MCPH1: variants seen among roughly 807,000 people sequenced by gnomAD.
MCPH1 encodes the protein microcephalin.
MCPH1 carries 104 observed loss-of-function variants against 84.5 expected under a neutral mutation model. The ratio of observed to expected loss-of-function variants is 1.23; its 90% CI spans 1.05 to 1.45. The LOEUF (loss-of-function observed/expected upper bound fraction) is 1.45. MCPH1 is among the 40% of genes most tolerant of loss of function. The probability of loss-of-function intolerance (pLI) is 0.00; values close to 1 mark genes in which losing one functional copy is unlikely to be tolerated. For synonymous variants in MCPH1, 514 were observed against 366.8 expected (o/e 1.40, Z -4.58); for missense variants, 1,498 against 1,005.7 (o/e 1.49, Z -6.62).
intron 12 of MCPH1, among the ~76,000 whole-genome samples, chr8:6,532,150 A>G (rs1350988477): frequency 6.6e-6 from 1 of 152,182 alleles, no homozygotes; most frequent in African/African-American, 2.4e-5. Context: ...AAACAAAAAC[A>G]GATTTACTGA....
At chr8:6,471,497 C>T (rs79412898) in intron 9 of MCPH1, among the ~76,000 whole-genome samples, 399 of 152,156 alleles carry the variant, frequency 2.6e-3, no homozygotes, top group African/African-American at 7.6e-3. Flanking sequence ...AAAGCACAGT[C>T]GACTGAATTG....
rs1195440350 is a variant in MCPH1, at chr8:6,647,502, T to A, written c.*4453T>A. The A allele has an allele frequency of 6.6e-6, 1 of 152,210 alleles. No homozygotes were observed. The highest frequency in any genetic ancestry group is 1.9e-4 in the East Asian group (1 of 5,200). 9.4% of individuals were successfully genotyped at this position (152,210 alleles called of 1,614,324 possible). ...ATGTTCATAGCAACATTATTCATAA[T>A]AACCAAAAATTAGCCCATCAACTGA... On this transcript the variant is annotated 3_prime_UTR_variant, in exon 14 of 14. Coordinates refer to ENST00000344683, the MANE Select transcript of MCPH1 (RefSeq NM_024596.5).
At chr8:6,510,659 A>T (rs1250082115) in intron 12 of MCPH1, among the ~76,000 whole-genome samples, 3 of 152,190 alleles carry the variant, frequency 2.0e-5, no homozygotes, top group Non-Finnish European at 4.4e-5. Context: ...CTCTTAAGTC[A>T]TGGAGGTAGG....
At chr8:6,426,524 C>T (rs990945009) in intron 3 of MCPH1, among the ~76,000 whole-genome samples, 1 of 152,246 alleles carries the variant, frequency 6.6e-6, no homozygotes, top group Admixed American at 6.5e-5. Context: ...AGTGGTTTCA[C>T]TTCCTTTTAT....
chr8:6,638,602 TTTTAA>T (rs1797723117), intron 13 of MCPH1, among the ~76,000 whole-genome samples: 1 of 152,094 alleles, frequency 6.6e-6, no homozygotes, highest in Non-Finnish European at 1.5e-5. Flanking sequence ...AAAATTTTTT[TTTTAA>T]TTTAAATTTC....
At chr8:6,626,589 C>G in intron 13 of MCPH1, 1 of 984,114 alleles carries the variant, frequency 1.0e-6, no homozygotes, top group Non-Finnish European at 1.2e-6. Flanking sequence ...AAAATGTTAC[C>G]TTTACCTGAT....
At chr8:6,447,291 CA>C in intron 8 of MCPH1, 2 of 985,354 alleles carry the variant, frequency 2.0e-6, no homozygotes, top group Non-Finnish European at 2.4e-6. Context: ...CCTTCAGTTT[CA>C]ATGTCAGGGA....
intron 12 of MCPH1, among the ~76,000 whole-genome samples, chr8:6,540,263 AC>A (rs1460341724): frequency 6.6e-6 from 1 of 151,872 alleles, no homozygotes; most frequent in African/African-American, 2.4e-5. Context: ...CCTTACCACT[AC>A]TCCAAAATTT....
At chr8:6,433,257 G>A (rs760686748) in intron 4 of MCPH1, among the ~76,000 whole-genome samples, 18 of 152,148 alleles carry the variant, frequency 1.2e-4, no homozygotes, top group Non-Finnish European at 2.2e-4. Flanking sequence ...ATTTCTCCAA[G>A]TCAGATATCT....
At chr8:6,614,889 A>C (rs1830650186) in intron 12 of MCPH1, among the ~76,000 whole-genome samples, 5 of 148,230 alleles carry the variant, frequency 3.4e-5, no homozygotes, top group African/African-American at 5.0e-5. Context: ...CCCATACCCC[A>C]CCCTACTCCA....
intron 3 of MCPH1, among the ~76,000 whole-genome samples, chr8:6,416,298 GTCATGTCATGTC>G (rs1799290765): frequency 6.6e-6 from 1 of 151,604 alleles, no homozygotes; most frequent in African/African-American, 2.4e-5. Flanking sequence ...GTCATGTCAT[GTCATGTCATGTC>G]ATGTTATTTG....
chr8:6,413,913 C>G (rs758919237), intron 2 of MCPH1, among the ~76,000 whole-genome samples: 1 of 152,108 alleles, frequency 6.6e-6, no homozygotes, highest in African/African-American at 2.4e-5. Flanking sequence ...AACCTCCACG[C>G]TTGGCTAATT....
intron 9 of MCPH1, among the ~76,000 whole-genome samples, chr8:6,464,733 C>G (rs1461522507): frequency 2.0e-5 from 3 of 152,216 alleles, no homozygotes; most frequent in African/African-American, 4.8e-5. Context: ...TGTGGTGGCT[C>G]ACGCCTATAA....
At chr8:6,460,485 G>A (rs943348556) in intron 9 of MCPH1, among the ~76,000 whole-genome samples, 2 of 151,992 alleles carry the variant, frequency 1.3e-5, no homozygotes, top group East Asian at 3.9e-4. Context: ...CAGGGTACTG[G>A]GATTACAGGC....
At chr8:6,536,221 C>T (rs571040279) in intron 12 of MCPH1, among the ~76,000 whole-genome samples, 1 of 152,220 alleles carries the variant, frequency 6.6e-6, no homozygotes, top group Admixed American at 6.5e-5. Context: ...GCGACAGGAA[C>T]AGCCACAGTA....
intron 12 of MCPH1, among the ~76,000 whole-genome samples, chr8:6,605,215 A>G (rs1829664854): frequency 6.6e-6 from 1 of 152,114 alleles, no homozygotes; most frequent in Admixed American, 6.5e-5. Flanking sequence ...GGGGAATTTT[A>G]TATTCTTTTT....
intron 9 of MCPH1, among the ~76,000 whole-genome samples, chr8:6,469,845 G>A (rs1180572363): frequency 6.6e-6 from 1 of 151,870 alleles, no homozygotes; most frequent in Non-Finnish European, 1.5e-5. Context: ...CTCTCTCCCT[G>A]CTCCCTCATC....
chr8:6,447,825 A>G (rs1451398742), intron 8 of MCPH1, among the ~76,000 whole-genome samples: 1 of 152,228 alleles, frequency 6.6e-6, no homozygotes, highest in Non-Finnish European at 1.5e-5. Context: ...TTGGGATTAC[A>G]GGCGTGAGCT....
intron 12 of MCPH1, among the ~76,000 whole-genome samples, chr8:6,537,806 T>A (rs1480126077): frequency 1.3e-5 from 2 of 152,086 alleles, no homozygotes; most frequent in Non-Finnish European, 2.9e-5. Flanking sequence ...AAAACATAGA[T>A]AATATATGAA....
Sources: allele counts gnomAD v4.1 joint callset (sites outside exome capture counted in the v4.1 genomes callset), GRCh38; gene constraint gnomAD v4.1.1; transcripts MANE v1.5; gene names NCBI Gene and HGNC (gene_info 2026-07-23, HGNC 2026-07-21).